The following ANO2 variants were observed in gnomAD, a reference collection of about 807,000 sequenced individuals.
ANO2 encodes the protein anoctamin-2.
A neutral mutation model predicts 124.2 loss-of-function variants in ANO2; 101 were observed. The observed-to-expected ratio is 0.81, with a 90% confidence interval of 0.69 to 0.96. The LOEUF (loss-of-function observed/expected upper bound fraction) is 0.96, where lower values mean the gene tolerates loss of function less well. Ranked by LOEUF, ANO2 falls within the 40% of genes least tolerant of loss-of-function variation. ANO2 has a pLI of 0.00. For missense variants in ANO2, 1,293 were observed against 1,274.5 expected (o/e 1.01, Z -0.22); for synonymous variants, 486 against 482.5 (o/e 1.01, Z -0.09).
intron 23 of ANO2, among the ~76,000 whole-genome samples, chr12:5,571,036 G>C (rs1191016867): frequency 6.6e-6 from 1 of 152,176 alleles, no homozygotes; most frequent in African/African-American, 2.4e-5. Flanking sequence ...CCTCTTCAAA[G>C]ACTTTTGTCA....
chr12:5,862,521 G>A lies in ANO2; in HGVS notation c.535-8380C>T, dbSNP rs1406759191. ...CACACATCATTGCACTCCAACCAGA[G>A]GCAGCCCAGGAACAACTCCTCAAAG... On this transcript the variant is annotated intron_variant, in intron 3 of 24. Coordinates refer to ENST00000682330, the MANE Select transcript of ANO2 (RefSeq NM_001364791.2). This position sits in a 1 kb window ranked among gnomAD's most constrained non-coding sequence, Gnocchi z 4.0. 2.0e-5 allele frequency among the ~76,000 whole-genome samples: 3 copies of A among 152,172 alleles called. No homozygotes were observed. The highest frequency in any genetic ancestry group is 7.2e-5 in the African/African-American group (3 of 41,444).
intron 4 of ANO2, among the ~76,000 whole-genome samples, chr12:5,851,621 A>C (rs528807435): frequency 4.0e-5 from 6 of 150,086 alleles, no homozygotes; most frequent in African/African-American, 9.8e-5. Flanking sequence ...GGGGACGGAG[A>C]TTGCAGTGAG....
chr12:5,806,972 C>T (rs1953216042), intron 8 of ANO2, among the ~76,000 whole-genome samples: 1 of 152,182 alleles, frequency 6.6e-6, no homozygotes, highest in Non-Finnish European at 1.5e-5. Flanking sequence ...CCATCCACCA[C>T]CCTCATCAAT....
intron 10 of ANO2, among the ~76,000 whole-genome samples, chr12:5,796,004 T>C (rs1952832897): frequency 6.6e-6 from 1 of 152,164 alleles, no homozygotes; most frequent in African/African-American, 2.4e-5. Context: ...CCACAAGCCA[T>C]GTTTCTGACA....
chr12:5,581,124 C>T (rs1378768232), intron 20 of ANO2, among the ~76,000 whole-genome samples: 1 of 152,136 alleles, frequency 6.6e-6, no homozygotes, highest in East Asian at 1.9e-4. Flanking sequence ...ATGGAATTAA[C>T]AAGGAAACGA....
intron 3 of ANO2, among the ~76,000 whole-genome samples, chr12:5,873,211 CTCTCTCTCTCTCTCTCTCT>C (rs1937837594): frequency 3.4e-5 from 2 of 59,544 alleles, no homozygotes; most frequent in Non-Finnish European, 5.0e-5. Flanking sequence ...CTCTCTCTCT[CTCTCTCTCTCTCTCTCTCT>C]CTCTCTCTCT....
chr12:5,591,937 C>T (rs188721623), intron 20 of ANO2, among the ~76,000 whole-genome samples: 5 of 152,168 alleles, frequency 3.3e-5, no homozygotes, highest in Non-Finnish European at 7.4e-5. Context: ...AGAGCCAAGT[C>T]TGAAAGAGAT....
chr12:5,813,815 G>C (rs1324191539), intron 7 of ANO2, among the ~76,000 whole-genome samples: 1 of 152,178 alleles, frequency 6.6e-6, no homozygotes, highest in Non-Finnish European at 1.5e-5. Flanking sequence ...TTGAATCACA[G>C]AGTCTGGGAA....
chr12:5,847,680 C>T (rs1038094106), intron 4 of ANO2, among the ~76,000 whole-genome samples: 1 of 152,134 alleles, frequency 6.6e-6, no homozygotes, highest in Non-Finnish European at 1.5e-5. Flanking sequence ...TAACAAGTAC[C>T]TGAGAACAAT....
chr12:5,927,031 C>T (rs190341957), intron 1 of ANO2, among the ~76,000 whole-genome samples: 7 of 152,280 alleles, frequency 4.6e-5, no homozygotes, highest in South Asian at 2.1e-4. Context: ...TACTTCAGGA[C>T]GTCCATGCTG....
rs138167836 is a variant in ANO2 at position 5,943,277 on chromosome 12, T to TTGTGTGTG, written c.22+1911_22+1918dup. Among the ~76,000 whole-genome samples the TTGTGTGTG allele has an allele frequency of 6.5e-3, 967 of 148,462 alleles. 13 individuals carry two copies. The highest frequency in any genetic ancestry group is 0.023 in the African/African-American group (928 of 40,032). On this transcript the variant is annotated intron_variant, in intron 1 of 24. Transcript: ENST00000682330. The stretch of plus-strand genomic sequence containing the variant: ...GGGATGTCTGTGTTTGAGTGTGTGT[T>TTGTGTGTG]TGTGTGTGTGTGTGTGTGTGTGTGT...
chr12:5,640,079 C>CG (rs1555113093), intron 15 of ANO2, among the ~76,000 whole-genome samples: 1 of 152,072 alleles, frequency 6.6e-6, no homozygotes, highest in Non-Finnish European at 1.5e-5. Flanking sequence ...ACAGGATTGG[C>CG]GGAGAGGAAA....
intron 16 of ANO2, among the ~76,000 whole-genome samples, chr12:5,624,486 A>G (rs2136922760): frequency 6.6e-6 from 1 of 152,288 alleles, no homozygotes; most frequent in East Asian, 1.9e-4. Flanking sequence ...CCCCTGGGTC[A>G]TCTGGCAAAT....
At chr12:5,896,422 A>T (rs903936451) in intron 3 of ANO2, among the ~76,000 whole-genome samples, 7 of 152,216 alleles carry the variant, frequency 4.6e-5, no homozygotes, top group Non-Finnish European at 1.0e-4. Flanking sequence ...ACTACACAAA[A>T]GAACTTTAAA....
At chr12:5,877,867 C>T (rs1263072199) in intron 3 of ANO2, among the ~76,000 whole-genome samples, 3 of 152,312 alleles carry the variant, frequency 2.0e-5, no homozygotes, top group South Asian at 2.1e-4. Flanking sequence ...AATCGAATGC[C>T]GCCGCTGATC....
chr12:5,851,048 T>TA (rs563121927), intron 4 of ANO2, among the ~76,000 whole-genome samples: 192 of 111,490 alleles, frequency 1.7e-3, no homozygotes, highest in African/African-American at 0.013. Flanking sequence ...GAACCAAGGT[T>TA]AGAAGTCTCT....
At chr12:5,660,077 G>A (rs193092726) in intron 14 of ANO2, among the ~76,000 whole-genome samples, 40 of 152,222 alleles carry the variant, frequency 2.6e-4, no homozygotes, top group African/African-American at 8.2e-4. Context: ...GAAGGTCCCT[G>A]ACTTAATGAT....
In ANO2 at chr12:5,912,285, T is replaced by G. The variant is rs116475984; in HGVS notation, c.534+8755A>C. Among the ~76,000 whole-genome samples, 1,151 of 152,054 alleles carry G rather than the reference T, an allele frequency of 7.6e-3. 14 individuals carry two copies. Among genetic ancestry groups the G allele is most frequent in the African/African-American group, 0.026 (1,086 of 41,438 alleles). On this transcript the variant is annotated intron_variant, in intron 3 of 24. Transcript: ENST00000682330. The stretch of plus-strand genomic sequence containing the variant: ...GGTGAGTGCCACCTCCTGGGGAGTA[T>G]GAGAGAATAAAGAACAAGAGGAGCA...
chr12:5,922,387 C>T (rs1012163062), intron 2 of ANO2, among the ~76,000 whole-genome samples: 6 of 152,300 alleles, frequency 3.9e-5, no homozygotes, highest in South Asian at 4.1e-4. Context: ...CTGGCAGCAT[C>T]GACTGGCCTC....
Sources: allele counts gnomAD v4.1 joint callset (sites outside exome capture counted in the v4.1 genomes callset), GRCh38; gene constraint gnomAD v4.1.1; non-coding constraint Gnocchi (gnomAD v3.1); transcripts MANE v1.5; gene names NCBI Gene and HGNC (gene_info 2026-07-23, HGNC 2026-07-21).